ARHGAP10: variants seen among roughly 807,000 people sequenced by gnomAD.
The protein encoded by ARHGAP10 is rho GTPase-activating protein 10.
Under a neutral mutation model 108.6 loss-of-function variants are expected in ARHGAP10, and 87 were observed. The observed-to-expected ratio is 0.80, with a 90% CI of 0.67 to 0.96. ARHGAP10 has a LOEUF of 0.96. Among genes scored for constraint, ARHGAP10 ranks in the 40% least tolerant of loss-of-function variants. The pLI is 0.00. For synonymous variants in ARHGAP10, 347 were observed against 341.1 expected, an observed-to-expected ratio of 1.02 and a Z score of -0.19; for missense variants, 939 against 954.5, an observed-to-expected ratio of 0.98 and a Z score of 0.21.
In ARHGAP10 at chr4:148,071,642, A is replaced by C. The variant is rs78920995; in HGVS notation, c.2273-351A>C. Reference sequence around the variant, plus strand: ...GGAAGAAAACAAACAAACAAACAAAAAAAAACACAAAAAGCTTGAGTTTGA... The same window carrying C: ...GGAAGAAAACAAACAAACAAACAAACAAAAACACAAAAAGCTTGAGTTTGA... On this transcript the variant is annotated intron_variant, in intron 22 of 22. Coordinates refer to ENST00000336498, the MANE Select transcript of ARHGAP10 (RefSeq NM_024605.4). Among the ~76,000 whole-genome samples, 1,379 of 141,962 alleles carry C rather than the reference A, an allele frequency of 9.7e-3. 17 individuals carry two copies. The highest frequency in any genetic ancestry group is 0.035 in the African/African-American group (1,146 of 32,580). The allele number at this position is 141,962 out of a possible 152,430, so 93.1% of individuals were successfully genotyped here. A position where few individuals can be genotyped will look rare whatever the true frequency, so the allele number is the denominator to read the frequency against.
intron 15 of ARHGAP10, among the ~76,000 whole-genome samples, chr4:147,952,073 A>G (rs1738625858): frequency 6.6e-6 from 1 of 152,212 alleles, no homozygotes; most frequent in Non-Finnish European, 1.5e-5. Context: ...TCTATGTTGT[A>G]GCACATACCA....
At chr4:148,066,407 A>G (rs1353215533) in intron 22 of ARHGAP10, among the ~76,000 whole-genome samples, 1 of 152,240 alleles carries the variant, frequency 6.6e-6, no homozygotes, top group South Asian at 2.1e-4. Context: ...CATGTGAATG[A>G]GGGTCAGTGC....
At chr4:147,875,822 A>G (rs1407118856) in intron 8 of ARHGAP10, among the ~76,000 whole-genome samples, 1 of 152,218 alleles carries the variant, frequency 6.6e-6, no homozygotes, top group African/African-American at 2.4e-5. Flanking sequence ...TTGAAAATTA[A>G]AAGACCTGTA....
intron 10 of ARHGAP10, among the ~76,000 whole-genome samples, chr4:147,890,704 A>G (rs1735765529): frequency 1.3e-5 from 2 of 152,064 alleles, no homozygotes; most frequent in African/African-American, 4.8e-5. Context: ...GTGGGTGCCT[A>G]TAATCCCAGC....
intron 7 of ARHGAP10, among the ~76,000 whole-genome samples, chr4:147,867,259 TC>T (rs1376103954): frequency 1.3e-5 from 2 of 152,214 alleles, no homozygotes; most frequent in Non-Finnish European, 2.9e-5. Context: ...TTGCTATTGG[TC>T]TTGAATATTT....
At chr4:147,887,213 A>G (rs1020646687) in intron 10 of ARHGAP10, among the ~76,000 whole-genome samples, 3 of 151,878 alleles carry the variant, frequency 2.0e-5, no homozygotes, top group African/African-American at 7.3e-5. Flanking sequence ...CCCGCTCTAG[A>G]CACCCACCTC....
intron 7 of ARHGAP10, among the ~76,000 whole-genome samples, chr4:147,873,046 T>C (rs1341819430): frequency 6.6e-6 from 1 of 152,222 alleles, no homozygotes; most frequent in African/African-American, 2.4e-5. Flanking sequence ...AAGGCTGAAC[T>C]GTATGTACAT....
At chr4:147,865,434 A>G (rs1734516709) in intron 6 of ARHGAP10, 1 of 153,042 alleles carries the variant, frequency 6.5e-6, no homozygotes, top group Non-Finnish European at 1.5e-5. Context: ...TTACTCTAAC[A>G]TTTCTTTTTA....
chr4:147,985,377 C>G (rs1320796130), intron 18 of ARHGAP10, among the ~76,000 whole-genome samples: 2 of 152,086 alleles, frequency 1.3e-5, no homozygotes, highest in African/African-American at 4.8e-5. Flanking sequence ...CCTGCTGCAC[C>G]ATAACCTCAG....
chr4:147,738,326 C>A (rs574454409), intron 1 of ARHGAP10, among the ~76,000 whole-genome samples: 1 of 151,802 alleles, frequency 6.6e-6, no homozygotes, highest in Non-Finnish European at 1.5e-5. Context: ...CCGAGGCGGG[C>A]GGATCACGAG....
At position 147,855,860 on chromosome 4, in the gene ARHGAP10, C is replaced by T. The variant is rs528918015; in HGVS notation, c.385-1693C>T. Among the ~76,000 whole-genome samples the T allele has an allele frequency of 2.6e-5, 4 of 151,888 alleles. No individual in the cohort carries two copies. In the East Asian group the frequency reaches 5.8e-4, roughly 22 times the overall value. ...CTGTCCTGGGTTTCCAGAAGAACAG[C>T]GTGTGGTCCCATGTGGTGAAAAAAG... On this transcript the variant is annotated intron_variant, in intron 4 of 22. Coordinates refer to ENST00000336498, the MANE Select transcript of ARHGAP10 (RefSeq NM_024605.4).
chr4:147,872,335 T>G (rs187708830), intron 7 of ARHGAP10, among the ~76,000 whole-genome samples: 24 of 152,256 alleles, frequency 1.6e-4, no homozygotes, highest in Non-Finnish European at 1.3e-4. Flanking sequence ...TCTTACTGTC[T>G]GGGAAAAAAT....
rs1417522928 is a variant in ARHGAP10 at position 147,988,831 on chromosome 4, T to TGCTGTG, written c.1716+21993_1716+21998dup. ...GACTCATGCTTTATTCTGTCAGTGA[T>TGCTGTG]GCTGTGTTCCTTTCCCCACCTGGGG... On this transcript the variant is annotated intron_variant, in intron 18 of 22. Transcript: ENST00000336498. Among the ~76,000 whole-genome samples, 6 of 152,220 alleles carry TGCTGTG rather than the reference T, an allele frequency of 3.9e-5. No individual in the cohort carries two copies. In the South Asian group the frequency reaches 6.2e-4, roughly 16 times the overall value.
intron 16 of ARHGAP10, 45 bp downstream of exon 16, chr4:147,955,419 A>G: frequency 6.5e-7 from 1 of 1,538,478 alleles, no homozygotes; most frequent in Non-Finnish European, 8.8e-7. Context: ...TGTAGTTGGT[A>G]GTGAGCATAA....
At chr4:147,760,084 C>T (rs1729533737) in intron 1 of ARHGAP10, among the ~76,000 whole-genome samples, 1 of 152,118 alleles carries the variant, frequency 6.6e-6, no homozygotes, top group African/African-American at 2.4e-5. Context: ...AGTACAAATC[C>T]ATTCAGCCCA....
intron 8 of ARHGAP10, 151 bp downstream of exon 8, chr4:147,875,301 G>A: frequency 1.1e-6 from 1 of 935,746 alleles, no homozygotes; most frequent in Non-Finnish European, 1.5e-6. Flanking sequence ...TATATTTCAT[G>A]TTTAGGAGAA....
At chr4:147,951,443 T>G in intron 15 of ARHGAP10, among the ~76,000 whole-genome samples, 1 of 150,682 alleles carries the variant, frequency 6.6e-6, no homozygotes, top group African/African-American at 2.4e-5. Context: ...AATGGGAATG[T>G]AGGGGGAAAA....
At chr4:148,042,879 T>G (rs1333914498) in intron 19 of ARHGAP10, among the ~76,000 whole-genome samples, 1 of 152,156 alleles carries the variant, frequency 6.6e-6, no homozygotes, top group Non-Finnish European at 1.5e-5. Context: ...GTGCAGGTTT[T>G]GTAAGAATAT....
intron 13 of ARHGAP10, among the ~76,000 whole-genome samples, chr4:147,937,649 G>A (rs1158419727): frequency 2.0e-5 from 3 of 152,132 alleles, no homozygotes; most frequent in Non-Finnish European, 4.4e-5. Context: ...CAAAGACATG[G>A]ACTCAGCCTA....
Sources: allele counts gnomAD v4.1 joint callset (sites outside exome capture counted in the v4.1 genomes callset), GRCh38; gene constraint gnomAD v4.1.1; transcripts MANE v1.5; gene names NCBI Gene and HGNC (gene_info 2026-07-23, HGNC 2026-07-21).